Variants in LRTM2 observed in about 807,000 individuals in gnomAD.
The protein encoded by LRTM2 is leucine rich repeat transmembrane protein 2, also known as leucine-rich repeat and transmembrane domain-containing protein 2.
In LRTM2, 18 loss-of-function variants were observed where a neutral mutation model predicts 28.1. That is an observed-to-expected ratio of 0.64 (90% CI 0.44 to 0.95). The LOEUF is 0.95. Among genes scored for constraint, LRTM2 ranks in the 40% least tolerant of loss-of-function variants. LRTM2 has a pLI of 0.00. For missense variants in LRTM2, 436 were observed against 497.2 expected, an observed-to-expected ratio of 0.88 and a Z score of 1.17; for synonymous variants, 250 against 218.7, an observed-to-expected ratio of 1.14 and a Z score of -1.26.
Position 1,829,094 on chromosome 12 carries a change from C to T in LRTM2, c.67+879C>T, listed in dbSNP as rs559881749. ...TCCTTTCAGCCTCATTCTAGAATCA[C>T]TCAACACCTCGCAATACGGGCTTAT... On this transcript the variant is annotated intron_variant, in intron 3 of 4. Coordinates refer to ENST00000299194, the MANE Select transcript of LRTM2 (RefSeq NM_001039029.3). The surrounding 1 kb of genome is among the most constrained non-coding windows in gnomAD (Gnocchi z 4.2). Among the ~76,000 whole-genome samples, 136 of 152,352 alleles carry T rather than the reference C, an allele frequency of 8.9e-4. No individual in the cohort carries two copies. Among genetic ancestry groups the T allele is most frequent in the African/African-American group, 3.0e-3 (126 of 41,578 alleles).
chr12:1,830,187 T>C (rs998486354), intron 3 of LRTM2, among the ~76,000 whole-genome samples: 1 of 152,212 alleles, frequency 6.6e-6, no homozygotes, highest in Non-Finnish European at 1.5e-5. Context: ...GTGGAATGTG[T>C]CCTGGGCCCC....
chr12:1,828,218 G>A lies in LRTM2; in HGVS notation c.67+3G>A. Reference sequence around the variant, plus strand: ...CCTGCAGTGGAGGCAAGTCTCCTGTGAGTACACCCCTGGCCTCGGAGGGGG... The same window carrying A: ...CCTGCAGTGGAGGCAAGTCTCCTGTAAGTACACCCCTGGCCTCGGAGGGGG... On this transcript the variant is annotated splice_donor_region_variant and intron_variant, in intron 3 of 4. Coordinates refer to ENST00000299194, the MANE Select transcript of LRTM2 (RefSeq NM_001039029.3). This position sits in a 1 kb window ranked among gnomAD's most constrained non-coding sequence, Gnocchi z 4.2. The A allele has an allele frequency of 1.9e-6, 3 of 1,543,778 alleles. No homozygotes were observed. The highest frequency in any genetic ancestry group is 2.6e-6 in the Non-Finnish European group (3 of 1,144,090).
At chr12:1,825,626 A>G (rs576638659) in intron 1 of LRTM2, among the ~76,000 whole-genome samples, 1 of 152,316 alleles carries the variant, frequency 6.6e-6, no homozygotes, top group East Asian at 1.9e-4. Context: ...ATGTGGGCAC[A>G]TGTATGTTAG....
Position 1,836,558 on chromosome 12 carries a change from T to C in LRTM2, c.*1837T>C, listed in dbSNP as rs1450033697. ...TGCTTACTGGGACCCCAGGCGGCCC[T>C]GGCCATGGCCACAGTCTTCCTTCTT... On this transcript the variant is annotated 3_prime_UTR_variant, in exon 5 of 5. Coordinates refer to ENST00000299194, the MANE Select transcript of LRTM2 (RefSeq NM_001039029.3). 6.6e-6 allele frequency: 1 copy of C among 152,500 alleles called. No homozygotes were observed. Among genetic ancestry groups the C allele is most frequent in the Non-Finnish European group, 1.5e-5 (1 of 68,134 alleles). 9.4% of individuals were successfully genotyped at this position (152,500 alleles called of 1,614,324 possible). A position where few individuals can be genotyped will look rare whatever the true frequency, so the allele number is the denominator to read the frequency against.
At chr12:1,822,858 C>G (rs74676249) in intron 1 of LRTM2, among the ~76,000 whole-genome samples, 1 of 152,178 alleles carries the variant, frequency 6.6e-6, no homozygotes, top group African/African-American at 2.4e-5. Flanking sequence ...GCGTCCTGGC[C>G]ACATGGAATC....
Position 1,829,716 on chromosome 12 carries a change from A to T in LRTM2, c.68-1219A>T, listed in dbSNP as rs532721468. On this transcript the variant is annotated intron_variant, in intron 3 of 4. Coordinates refer to ENST00000299194, the MANE Select transcript of LRTM2 (RefSeq NM_001039029.3). This position sits in a 1 kb window ranked among gnomAD's most constrained non-coding sequence, Gnocchi z 4.2. The stretch of plus-strand genomic sequence containing the variant: ...CGGCCCACCCCGACCTGGGACAGCC[A>T]GGTCCCAGGTCCCATGTCAGGGTGG... 7.0e-6 allele frequency among the ~76,000 whole-genome samples: 1 copy of T among 143,770 alleles called. No homozygotes were observed. The highest frequency in any genetic ancestry group is 6.9e-5 in the Admixed American group (1 of 14,480). The allele number at this position is 143,770 out of a possible 152,430, so 94.3% of individuals were successfully genotyped here. A position where few individuals can be genotyped will look rare whatever the true frequency, so the allele number is the denominator to read the frequency against.
At chr12:1,823,229 T>C (rs544680859) in intron 1 of LRTM2, 1 of 152,358 alleles carries the variant, frequency 6.6e-6, no homozygotes, top group East Asian at 1.9e-4. Flanking sequence ...TGTGGAGGGA[T>C]AGACATGCGC....
Position 1,828,356 on chromosome 12 carries a change from A to G in LRTM2, c.67+141A>G. On this transcript the variant is annotated intron_variant, in intron 3 of 4. Coordinates refer to ENST00000299194, the MANE Select transcript of LRTM2 (RefSeq NM_001039029.3). The surrounding 1 kb of genome is among the most constrained non-coding windows in gnomAD (Gnocchi z 4.2). ...AGATCTTCCTGGGGTACCCGAGGCT[A>G]TGTTCTGGGAAGCCAGGGTCACGCC... The G allele has an allele frequency of 1.4e-6, 1 of 711,100 alleles. No homozygotes were observed. The allele number at this position is 711,100 out of a possible 1,614,324, so 44.0% of individuals were successfully genotyped here. A position where few individuals can be genotyped will look rare whatever the true frequency, so the allele number is the denominator to read the frequency against.
At position 1,834,192 on chromosome 12, in the gene LRTM2, G is replaced by T; in HGVS notation, c.659-75G>T. The T allele has an allele frequency of 6.7e-7, 1 of 1,485,492 alleles. No homozygotes were observed. Among genetic ancestry groups the T allele is most frequent in the East Asian group, 2.3e-5 (1 of 43,540 alleles). 92.0% of individuals were successfully genotyped at this position (1,485,492 alleles called of 1,614,324 possible). ...ACTACCTTCTGGGGCTTCCGTTTTG[G>T]GGAGCTGGGGATGGGGAGAGGGAGT... On this transcript the variant is annotated intron_variant, in intron 4 of 4. Coordinates refer to ENST00000299194, the MANE Select transcript of LRTM2 (RefSeq NM_001039029.3). The surrounding 1 kb of genome is among the most constrained non-coding windows in gnomAD (Gnocchi z 7.6).
At chr12:1,821,690 A>G (rs1565685975) in intron 1 of LRTM2, among the ~76,000 whole-genome samples, 1 of 152,150 alleles carries the variant, frequency 6.6e-6, no homozygotes, top group Non-Finnish European at 1.5e-5. Context: ...CACCCTGAGT[A>G]GAGCGGGACA....
chr12:1,823,827 T>C (rs934409549), intron 1 of LRTM2, among the ~76,000 whole-genome samples: 1 of 152,168 alleles, frequency 6.6e-6, no homozygotes, highest in Non-Finnish European at 1.5e-5. Flanking sequence ...GATCAGGCAA[T>C]GCCGTGGACA....
Position 1,833,044 on chromosome 12 carries a change from C to T in LRTM2, c.659-1223C>T, listed in dbSNP as rs967230207. Reference sequence around the variant, plus strand: ...GGGAACTAGGCCGGGTGTCTTCAGACCCTCCTCTCCTGTGGTCGCCGGGAA... The same window carrying T: ...GGGAACTAGGCCGGGTGTCTTCAGATCCTCCTCTCCTGTGGTCGCCGGGAA... On this transcript the variant is annotated intron_variant, in intron 4 of 4. Transcript: ENST00000299194. The surrounding 1 kb of genome is among the most constrained non-coding windows in gnomAD (Gnocchi z 4.2). Among the ~76,000 whole-genome samples the T allele has an allele frequency of 6.6e-6, 1 of 152,212 alleles. No individual in the cohort carries two copies. The highest frequency in any genetic ancestry group is 2.4e-5 in the African/African-American group (1 of 41,444).
Position 1,834,292 on chromosome 12 carries a change from C to T in LRTM2, c.684C>T (p.Cys228=). The T allele has an allele frequency of 1.3e-6, 2 of 1,597,304 alleles. No individual in the cohort carries two copies. Among genetic ancestry groups the T allele is most frequent in the Non-Finnish European group, 1.7e-6 (2 of 1,170,468 alleles). The change falls in exon 5 of 5, where the codon TGC becomes TGT. Residue 228 remains cysteine (C), a synonymous_variant. Transcript: ENST00000299194. The surrounding 1 kb of genome is among the most constrained non-coding windows in gnomAD (Gnocchi z 7.6). ...YRGGRLDQLA[C]TLPKELRGKD... is the part of the protein sequence containing the mutation. ...GGGGACGCTTGGACCAGCTTGCCTGCACCCTGCCCAAGGAGCTGAGGGGGA... is the reference window on the plus strand; with the variant it reads ...GGGGACGCTTGGACCAGCTTGCCTGTACCCTGCCCAAGGAGCTGAGGGGGA...
At chr12:1,821,003 G>A (rs1278061507) in intron 1 of LRTM2, among the ~76,000 whole-genome samples, 189 bp downstream of exon 1, 6 of 152,236 alleles carry the variant, frequency 3.9e-5, no homozygotes, top group African/African-American at 9.6e-5. Context: ...AAAGGTGCAC[G>A]ACACTGGGAA....
At position 1,834,842 on chromosome 12, in the gene LRTM2, C is replaced by T. The variant is rs1385995752; in HGVS notation, c.*121C>T. On this transcript the variant is annotated 3_prime_UTR_variant, in exon 5 of 5. Transcript: ENST00000299194. This position sits in a 1 kb window ranked among gnomAD's most constrained non-coding sequence, Gnocchi z 7.6. ...TCCCCGAGTCCACCCTCCTCCCCGC[C>T]CTCCAGCAGACAAGCCACACCGGGT... is the stretch of plus-strand genomic sequence containing the variant. The T allele has an allele frequency of 1.4e-6, 2 of 1,431,494 alleles. No homozygotes were observed. Among genetic ancestry groups the T allele is most frequent in the African/African-American group, 1.4e-5 (1 of 69,630 alleles). 88.7% of individuals were successfully genotyped at this position (1,431,494 alleles called of 1,614,324 possible).
At chr12:1,823,807 A>G (rs1341870782) in intron 1 of LRTM2, among the ~76,000 whole-genome samples, 1 of 152,198 alleles carries the variant, frequency 6.6e-6, no homozygotes, top group Non-Finnish European at 1.5e-5. Context: ...TCTCAGCTCC[A>G]GCGGGAGTGG....
chr12:1,826,414 C>A (rs1024732498), intron 1 of LRTM2, among the ~76,000 whole-genome samples: 3 of 138,470 alleles, frequency 2.2e-5, no homozygotes, highest in Admixed American at 7.0e-5. Flanking sequence ...CCCCCCCCCC[C>A]CCGCCAACTG....
At position 1,828,663 on chromosome 12, in the gene LRTM2, G is replaced by C. The variant is rs1403608265; in HGVS notation, c.67+448G>C. On this transcript the variant is annotated intron_variant, in intron 3 of 4. Transcript: ENST00000299194. This position sits in a 1 kb window ranked among gnomAD's most constrained non-coding sequence, Gnocchi z 4.2. ...CTGGCCTCGGCCAGGAGCTGGGTCA[G>C]CTTGGAGATGTCTCTTATGCTCCTT... Among the ~76,000 whole-genome samples, 1 of 152,218 alleles carries C rather than the reference G, an allele frequency of 6.6e-6. No individual in the cohort carries two copies. Among genetic ancestry groups the C allele is most frequent in the Non-Finnish European group, 1.5e-5 (1 of 68,036 alleles).
In LRTM2 at chr12:1,829,174, C is replaced by T. The variant is rs2370056; in HGVS notation, c.67+959C>T. 1.3e-5 allele frequency among the ~76,000 whole-genome samples: 2 copies of T among 152,278 alleles called. No individual in the cohort carries two copies. Among genetic ancestry groups the T allele is most frequent in the South Asian group, 2.1e-4 (1 of 4,832 alleles). On this transcript the variant is annotated intron_variant, in intron 3 of 4. Transcript: ENST00000299194. The surrounding 1 kb of genome is among the most constrained non-coding windows in gnomAD (Gnocchi z 4.2). ...CCTTGATCTCCAGGGAGGTGGGGGG[C>T]GCAGGGAGTCGCTCTTCCGCAGCGG...
Sources: gnomAD v4.1 joint callset for allele counts (sites outside exome capture counted in the v4.1 genomes callset) on GRCh38, gnomAD v4.1.1 for gene constraint, Gnocchi (gnomAD v3.1) non-coding constraint, MANE v1.5 for transcripts, NCBI Gene and HGNC (gene_info 2026-07-23, HGNC 2026-07-21) for gene names.